The following CRPPA variants were observed in gnomAD, a reference collection of about 807,000 sequenced individuals.
CRPPA encodes CDP-L-ribitol pyrophosphorylase A.
CRPPA carries 43 observed loss-of-function variants against 52.0 expected under a neutral mutation model. The observed-to-expected ratio is 0.83, with a 90% CI of 0.65 to 1.07. CRPPA has a LOEUF of 1.07. Ranked by LOEUF, CRPPA falls within the 50% of genes least tolerant of loss-of-function variation. CRPPA has a pLI of 0.00. For missense variants in CRPPA, 629 were observed against 551.7 expected, an observed-to-expected ratio of 1.14 and a Z score of -1.40; for synonymous variants, 250 against 203.5, an observed-to-expected ratio of 1.23 and a Z score of -1.94.
chr7:16,384,905 T>C (rs1270643822), intron 2 of CRPPA, among the ~76,000 whole-genome samples: 4 of 152,172 alleles, frequency 2.6e-5, no homozygotes, highest in African/African-American at 4.8e-5. Flanking sequence ...GAATCAGCTA[T>C]TATAAATACA....
At position 16,376,158 on chromosome 7, in the gene CRPPA, G is replaced by A. The variant is rs1416749274; in HGVS notation, c.618C>T (p.Ala206=). The change falls in exon 3 of 10, where the codon GCC becomes GCT. Residue 206 remains alanine, a synonymous_variant. Transcript: ENST00000407010. ...DGCLDYSLER[A]RHRASEMPQA... is the part of the protein sequence containing the mutation. ...GGGGCATTTCACTTGCTCTGTGTCT[G>A]GCACGTTCTAGCGAGTAGTCTAAGC... 7 of 1,613,102 alleles carry A rather than the reference G, an allele frequency of 4.3e-6. No individual in the cohort carries two copies. The highest frequency in any genetic ancestry group is 5.9e-6 in the Non-Finnish European group (7 of 1,179,582).
intron 3 of CRPPA, among the ~76,000 whole-genome samples, chr7:16,345,946 T>C (rs1021731114): frequency 6.6e-5 from 10 of 152,212 alleles, no homozygotes; most frequent in Admixed American, 6.5e-5. Context: ...AATTCACTTA[T>C]AAAAACATTA....
intron 2 of CRPPA, among the ~76,000 whole-genome samples, chr7:16,394,266 G>A (rs565751717): frequency 2.6e-4 from 39 of 152,100 alleles, no homozygotes; most frequent in African/African-American, 7.5e-4. Flanking sequence ...AATGAATTAC[G>A]GTATATACAG....
chr7:16,141,715 C>G, intron 9 of CRPPA, among the ~76,000 whole-genome samples: 1 of 152,184 alleles, frequency 6.6e-6, no homozygotes, highest in East Asian at 1.9e-4. Context: ...TTTATGCAAG[C>G]CTTGATCTTC....
chr7:16,298,164 C>A (rs1219035188), intron 5 of CRPPA, among the ~76,000 whole-genome samples: 1 of 152,126 alleles, frequency 6.6e-6, no homozygotes, highest in Non-Finnish European at 1.5e-5. Flanking sequence ...AGCAAACAAG[C>A]ATTTGCAGCT....
At chr7:16,389,928 A>AAAAAAAAAAAAAAAAAAAAT in intron 2 of CRPPA, among the ~76,000 whole-genome samples, 5 of 29,758 alleles carry the variant, frequency 1.7e-4, no homozygotes, top group East Asian at 1.4e-3. Context: ...AAAAAAAAAA[A>AAAAAAAAAAAAAAAAAAAAT]ATATATATAT....
At chr7:16,272,398 T>A (rs963666678) in intron 6 of CRPPA, among the ~76,000 whole-genome samples, 1 of 152,222 alleles carries the variant, frequency 6.6e-6, no homozygotes, top group African/African-American at 2.4e-5. Flanking sequence ...TTTCCCTTAA[T>A]TTCAAAGGAA....
At chr7:16,218,590 G>A (rs1483905519) in intron 8 of CRPPA, among the ~76,000 whole-genome samples, 1 of 55,348 alleles carries the variant, frequency 1.8e-5, no homozygotes, top group Non-Finnish European at 3.5e-5. Context: ...TAAAAGGATG[G>A]AGGAAGATCT....
Position 16,390,517 on chromosome 7 carries a change from T to G in CRPPA, c.535-14276A>C, listed in dbSNP as rs192742144. Among the ~76,000 whole-genome samples, 471 of 152,302 alleles carry G rather than the reference T, an allele frequency of 3.1e-3. 3 individuals carry two copies. The highest frequency in any genetic ancestry group is 0.011 in the African/African-American group (451 of 41,552). The stretch of plus-strand genomic sequence containing the variant: ...TTAGTCTTCTTGAGTGTTTGTTCAC[T>G]TAGTTTTCAGAAATCATTCTCAACC... On this transcript the variant is annotated intron_variant, in intron 2 of 9. Transcript: ENST00000407010.
intron 5 of CRPPA, among the ~76,000 whole-genome samples, chr7:16,284,058 G>A (rs542900789): frequency 1.1e-3 from 162 of 152,180 alleles, no homozygotes; most frequent in African/African-American, 3.5e-3. Context: ...TTTCTATGCA[G>A]AGTCAAATTT....
At position 16,392,443 on chromosome 7, in the gene CRPPA, A is replaced by G. The variant is rs566564413; in HGVS notation, c.534+13618T>C. 3.9e-5 allele frequency among the ~76,000 whole-genome samples: 6 copies of G among 152,294 alleles called. 1 individual carries two copies. The South Asian group carries it at 8.3e-4, about 21-fold the overall frequency. On this transcript the variant is annotated intron_variant, in intron 2 of 9. Coordinates refer to ENST00000407010, the MANE Select transcript of CRPPA (RefSeq NM_001101426.4). ...TTCACACAGCTACCTAGTTCATATG[A>G]TAGACTTATATTATCTGAAAGACCT...
intron 2 of CRPPA, among the ~76,000 whole-genome samples, chr7:16,403,254 C>T (rs1164940432): frequency 6.6e-6 from 1 of 152,124 alleles, no homozygotes; most frequent in African/African-American, 2.4e-5. Flanking sequence ...AGCCATCTTG[C>T]CTCCCTGTAG....
At chr7:16,184,653 T>C (rs959840015) in intron 9 of CRPPA, among the ~76,000 whole-genome samples, 1 of 152,180 alleles carries the variant, frequency 6.6e-6, no homozygotes, top group Non-Finnish European at 1.5e-5. Context: ...CATTTTATTA[T>C]AAAACAAATA....
At chr7:16,114,899 T>A (rs1021076037) in intron 9 of CRPPA, among the ~76,000 whole-genome samples, 1 of 152,088 alleles carries the variant, frequency 6.6e-6, no homozygotes, top group African/African-American at 2.4e-5. Context: ...ACTTAATAAA[T>A]GTATAGTTAT....
At chr7:16,226,385 G>T (rs1428688280) in intron 8 of CRPPA, among the ~76,000 whole-genome samples, 7 of 151,772 alleles carry the variant, frequency 4.6e-5, no homozygotes, top group Non-Finnish European at 7.4e-5. Context: ...GCTTTACTTT[G>T]TTGGGATATT....
At chr7:16,128,520 G>T (rs985501590) in intron 9 of CRPPA, among the ~76,000 whole-genome samples, 1 of 152,034 alleles carries the variant, frequency 6.6e-6, no homozygotes, top group Non-Finnish European at 1.5e-5. Context: ...AGAGAACATA[G>T]GGCTTCTAAT....
At chr7:16,209,448 G>C (rs556444384) in intron 9 of CRPPA, among the ~76,000 whole-genome samples, 2 of 151,706 alleles carry the variant, frequency 1.3e-5, no homozygotes, top group South Asian at 4.2e-4. Flanking sequence ...ATTTTTGTAC[G>C]TTTAGTAGAG....
At chr7:16,402,798 A>G (rs1183360534) in intron 2 of CRPPA, among the ~76,000 whole-genome samples, 1 of 152,188 alleles carries the variant, frequency 6.6e-6, no homozygotes, top group African/African-American at 2.4e-5. Flanking sequence ...GGACTGGATA[A>G]GAGTGTATCA....
intron 5 of CRPPA, among the ~76,000 whole-genome samples, chr7:16,294,912 A>T (rs1784640005): frequency 1.3e-5 from 2 of 152,074 alleles, no homozygotes; most frequent in Admixed American, 6.6e-5. Context: ...AGGGATTCAA[A>T]AACAAACAAT....
Sources: gnomAD v4.1 joint callset for allele counts (sites outside exome capture counted in the v4.1 genomes callset) on GRCh38, gnomAD v4.1.1 for gene constraint, MANE v1.5 for transcripts, NCBI Gene and HGNC (gene_info 2026-07-23, HGNC 2026-07-21) for gene names.